Variants in RELN observed in about 807,000 individuals in gnomAD.
The protein encoded by RELN is reelin.
Under a neutral mutation model 427.6 loss-of-function variants are expected in RELN, and 108 were observed. That is an observed-to-expected ratio of 0.25 (90% CI 0.22 to 0.30). The LOEUF is 0.30. RELN is among the 10% of genes least tolerant of loss of function. The probability of loss-of-function intolerance (pLI) is 1.00; values close to 1 mark genes in which losing one functional copy is unlikely to be tolerated. For synonymous variants in RELN, 1,524 were observed against 1,513.4 expected, an observed-to-expected ratio of 1.01 and a Z score of -0.16; for missense variants, 3,715 against 4,302.8, an observed-to-expected ratio of 0.86 and a Z score of 3.82.
intron 6 of RELN, among the ~76,000 whole-genome samples, chr7:103,745,515 C>G (rs533734169): frequency 6.7e-6 from 1 of 148,558 alleles, no homozygotes; most frequent in South Asian, 2.1e-4. Context: ...ATCTATAAAA[C>G]CCCATCGTCT....
Position 103,988,757 on chromosome 7 carries a change from G to T in RELN, c.226+374C>A, listed in dbSNP as rs915259430. ...GGGGACCCATCTGGGGGGACCGGGAGCAGGACAAAGGTCTGAAATCCAAGT... is the reference window on the plus strand; with the variant it reads ...GGGGACCCATCTGGGGGGACCGGGATCAGGACAAAGGTCTGAAATCCAAGT... On this transcript the variant is annotated intron_variant, in intron 1 of 64. Coordinates refer to ENST00000428762, the MANE Select transcript of RELN (RefSeq NM_005045.4). The surrounding 1 kb of genome is among the most constrained non-coding windows in gnomAD (Gnocchi z 4.9). Among the ~76,000 whole-genome samples, 1 of 152,214 alleles carries T rather than the reference G, an allele frequency of 6.6e-6. No individual in the cohort carries two copies. The highest frequency in any genetic ancestry group is 1.5e-5 in the Non-Finnish European group (1 of 68,044).
chr7:103,747,670 TAAAG>T (rs1790880245), intron 6 of RELN, among the ~76,000 whole-genome samples: 1 of 148,478 alleles, frequency 6.7e-6, no homozygotes, highest in African/African-American at 2.5e-5. Flanking sequence ...TTTGGAATCT[TAAAG>T]AGGCTAAATG....
chr7:103,611,577 T>A (rs1584343417), intron 21 of RELN, 34 bp downstream of exon 21: 1 of 1,573,030 alleles, frequency 6.4e-7, no homozygotes, highest in East Asian at 2.2e-5. Flanking sequence ...GGCAGAAGGT[T>A]ACCTGTTACA....
At chr7:103,735,152 A>C (rs756681247) in intron 6 of RELN, among the ~76,000 whole-genome samples, 2 of 152,200 alleles carry the variant, frequency 1.3e-5, no homozygotes, top group Non-Finnish European at 2.9e-5. Flanking sequence ...CCATAAACAT[A>C]AAAGAAAAAG....
intron 1 of RELN, among the ~76,000 whole-genome samples, chr7:103,986,205 T>A (rs4305831): frequency 6.6e-6 from 1 of 151,980 alleles, no homozygotes; most frequent in Admixed American, 6.6e-5. Flanking sequence ...GAGTCAGAGA[T>A]AACATAATTT....
chr7:103,700,654 C>A (rs910737348), intron 9 of RELN, among the ~76,000 whole-genome samples: 3 of 152,058 alleles, frequency 2.0e-5, no homozygotes, highest in African/African-American at 7.2e-5. Flanking sequence ...GCTATGATTG[C>A]AAATTTACTT....
intron 31 of RELN, 102 bp from the exon 32 acceptor site, chr7:103,566,861 C>T: frequency 2.6e-6 from 3 of 1,151,300 alleles, no homozygotes; most frequent in Non-Finnish European, 1.3e-6. Context: ...AATTGTGTCT[C>T]CTAGAACGAG....
At chr7:103,556,522 T>C (rs1830525017) in intron 38 of RELN, among the ~76,000 whole-genome samples, 1 of 152,110 alleles carries the variant, frequency 6.6e-6, no homozygotes, top group Non-Finnish European at 1.5e-5. Context: ...TCATCTTGAA[T>C]TGTACTCCCA....
intron 1 of RELN, among the ~76,000 whole-genome samples, chr7:103,963,430 C>A (rs1226101700): frequency 6.6e-6 from 1 of 152,044 alleles, no homozygotes; most frequent in East Asian, 1.9e-4. Flanking sequence ...TTCAGATGTT[C>A]TAGGTAGGAG....
intron 11 of RELN, among the ~76,000 whole-genome samples, chr7:103,676,693 G>GGAATATTGAACAATGA (rs1483988842): frequency 2.6e-5 from 4 of 152,184 alleles, no homozygotes; most frequent in African/African-American, 9.7e-5. Context: ...TATACACCAT[G>GGAATATTGAACAATGA]GAATACTATG....
chr7:103,743,504 T>C (rs1790727466), intron 6 of RELN, among the ~76,000 whole-genome samples: 1 of 152,144 alleles, frequency 6.6e-6, no homozygotes, highest in Non-Finnish European at 1.5e-5. Flanking sequence ...CAGTGTGCTG[T>C]ATTCAGGAAA....
chr7:103,614,186 C>A (rs1012118790), intron 20 of RELN, among the ~76,000 whole-genome samples: 1 of 152,046 alleles, frequency 6.6e-6, no homozygotes, highest in Non-Finnish European at 1.5e-5. Context: ...ACAATGATAA[C>A]CAAATTTTTG....
intron 1 of RELN, among the ~76,000 whole-genome samples, chr7:103,945,017 G>A (rs567037810): frequency 1.3e-5 from 2 of 152,276 alleles, no homozygotes; most frequent in Non-Finnish European, 2.9e-5. Context: ...ACCTACGGAT[G>A]TCCTTGTAGT....
At chr7:103,492,121 G>A (rs1368995226) in intron 57 of RELN, 95 bp from the exon 58 acceptor site, 3 of 966,592 alleles carry the variant, frequency 3.1e-6, no homozygotes, top group Non-Finnish European at 4.9e-6. Context: ...TACTCTGATA[G>A]GTAATATTCA....
At chr7:103,931,138 T>G (rs1459486740) in intron 1 of RELN, among the ~76,000 whole-genome samples, 1 of 151,898 alleles carries the variant, frequency 6.6e-6, no homozygotes, top group Admixed American at 6.6e-5. Context: ...GTACCAAGAA[T>G]CCCCCAGAAT....
rs2117255087 is a variant in RELN at position 103,596,564 on chromosome 7, T to C, written c.3431A>G (p.Asn1144Ser). The C allele has an allele frequency of 6.2e-7, 1 of 1,614,074 alleles. No homozygotes were observed. Among genetic ancestry groups the C allele is most frequent in the Non-Finnish European group, 8.5e-7 (1 of 1,179,942 alleles). The change falls in exon 25 of 65, where the codon AAC becomes AGC. Residue 1144 changes from asparagine to serine, a missense_variant. This residue lies in a region of RELN where 2,208 missense variants were observed against 2,361.7 expected (regional missense o/e 0.93). Coordinates refer to ENST00000428762, the MANE Select transcript of RELN (RefSeq NM_005045.4). The stretch of plus-strand genomic sequence containing the variant: ...GCCCTCCTCTCTGCTGTCAGGCTTG[T>C]TGCATGAAGCACTCTCTCCGCCTAT... ...IQIGGESASC[N>S]KPDSREEGVL...
chr7:103,709,627 G>A (rs73177981), intron 8 of RELN, among the ~76,000 whole-genome samples: 1 of 152,232 alleles, frequency 6.6e-6, no homozygotes, highest in Non-Finnish European at 1.5e-5. Context: ...GAGTTCAACT[G>A]GCAGAGAAAG....
intron 42 of RELN, 85 bp downstream of exon 42, chr7:103,545,039 C>T (rs1394780165): frequency 7.5e-6 from 7 of 938,188 alleles, no homozygotes; most frequent in Middle Eastern, 3.1e-4. Context: ...TAGAATTAAA[C>T]TTAATGATTA....
At chr7:103,732,405 T>G (rs780551499) in intron 6 of RELN, among the ~76,000 whole-genome samples, 1 of 152,132 alleles carries the variant, frequency 6.6e-6, no homozygotes, top group Non-Finnish European at 1.5e-5. Flanking sequence ...TGCATGTTCT[T>G]AATCTGTGCT....
Sources: gnomAD v4.1 joint callset for allele counts (sites outside exome capture counted in the v4.1 genomes callset) on GRCh38, gnomAD v4.1.1 for gene constraint, gnomAD v4.1.1 regional missense constraint, Gnocchi (gnomAD v3.1) non-coding constraint, MANE v1.5 for transcripts, NCBI Gene and HGNC (gene_info 2026-07-23, HGNC 2026-07-21) for gene names.